The following PRR20G variants were observed in gnomAD, a reference collection of about 807,000 sequenced individuals.
PRR20G encodes proline rich 20G, also known as proline-rich protein 20G.
At chr3:127,285,145 T>C (rs576130804) in intron 2 of PRR20G, among the ~76,000 whole-genome samples, 11 of 152,272 alleles carry the variant, frequency 7.2e-5, no homozygotes, top group African/African-American at 2.6e-4. Flanking sequence ...CATAAATTAG[T>C]ATAATAACAT....
chr3:127,285,233 C>T (rs1055263619), intron 2 of PRR20G, among the ~76,000 whole-genome samples: 1 of 152,128 alleles, frequency 6.6e-6, no homozygotes, highest in Admixed American at 6.5e-5. Context: ...AAGTAAGCAT[C>T]TTAACATGTA....
chr3:127,286,439 C>T (rs2080387922), intron 2 of PRR20G, among the ~76,000 whole-genome samples: 1 of 152,158 alleles, frequency 6.6e-6, no homozygotes, highest in African/African-American at 2.4e-5. Flanking sequence ...TGTAATGTGC[C>T]TATCAAACTA....
intron 2 of PRR20G, among the ~76,000 whole-genome samples, chr3:127,286,572 G>T (rs1026407908): frequency 1.3e-5 from 2 of 152,146 alleles, no homozygotes; most frequent in Non-Finnish European, 2.9e-5. Flanking sequence ...CTTATCATAC[G>T]TAGATCGAGA....
chr3:127,285,553 A>G (rs2080382990), intron 2 of PRR20G, among the ~76,000 whole-genome samples: 1 of 152,214 alleles, frequency 6.6e-6, no homozygotes, highest in African/African-American at 2.4e-5. Context: ...ATGACAGAGT[A>G]GGCATTGAAG....
intron 2 of PRR20G, among the ~76,000 whole-genome samples, chr3:127,286,389 A>G (rs537032445): frequency 6.6e-6 from 1 of 151,372 alleles, no homozygotes; most frequent in Admixed American, 6.6e-5. Flanking sequence ...TTTGCAGACA[A>G]GCAAGATCTT....
chr3:127,287,474 C>G (rs2080393119), intron 1 of PRR20G, among the ~76,000 whole-genome samples, 102 bp from the exon 2 acceptor site: 1 of 152,280 alleles, frequency 6.6e-6, no homozygotes, highest in African/African-American at 2.4e-5. Context: ...CTCACCCCCT[C>G]CTACAGGGCC....
At chr3:127,286,589 G>A (rs527640675) in intron 2 of PRR20G, among the ~76,000 whole-genome samples, 16 of 152,200 alleles carry the variant, frequency 1.1e-4, no homozygotes, top group Non-Finnish European at 1.9e-4. Flanking sequence ...GAGACATAGT[G>A]TAAGGACTCA....
chr3:127,286,754 T>A (rs1482585228), intron 2 of PRR20G, among the ~76,000 whole-genome samples: 1 of 152,184 alleles, frequency 6.6e-6, no homozygotes, highest in Non-Finnish European at 1.5e-5. Flanking sequence ...CCAGTCCCGG[T>A]TGGAGCAGGC....
At chr3:127,286,312 G>T (rs529952084) in intron 2 of PRR20G, among the ~76,000 whole-genome samples, 23 of 152,294 alleles carry the variant, frequency 1.5e-4, no homozygotes, top group African/African-American at 5.5e-4. Flanking sequence ...AATTTCGAGG[G>T]AAATGGATTT....
chr3:127,287,918 C>T lies in PRR20G; in HGVS notation c.-47G>A, dbSNP rs2080394998. On this transcript the variant is annotated 5_prime_UTR_variant, in exon 1 of 3. Coordinates refer to ENST00000465482, the MANE Select transcript of PRR20G (RefSeq NM_001362810.2). The stretch of plus-strand genomic sequence containing the variant: ...GCTGGCTCTCTTCTATGGGGAGAGG[C>T]CTGAGGAGCTGGAGGTGTCCACGGG... Among the ~76,000 whole-genome samples the T allele has an allele frequency of 6.6e-6, 1 of 151,204 alleles. No individual in the cohort carries two copies. Among genetic ancestry groups the T allele is most frequent in the Non-Finnish European group, 1.5e-5 (1 of 67,842 alleles).
intron 2 of PRR20G, among the ~76,000 whole-genome samples, chr3:127,286,764 CTA>C (rs1200416077): frequency 6.6e-6 from 1 of 152,138 alleles, no homozygotes; most frequent in African/African-American, 2.4e-5. Context: ...TTGGAGCAGG[CTA>C]TGAGAAAGTG....
rs1053756211 is a variant in PRR20G, at chr3:127,288,012, G to A, written c.-141C>T. Among the ~76,000 whole-genome samples, 4 of 152,180 alleles carry A rather than the reference G, an allele frequency of 2.6e-5. No homozygotes were observed. The highest frequency in any genetic ancestry group is 4.4e-5 in the Non-Finnish European group (3 of 68,038). On this transcript the variant is annotated 5_prime_UTR_variant, in exon 1 of 3. Coordinates refer to ENST00000465482, the MANE Select transcript of PRR20G (RefSeq NM_001362810.2). The stretch of plus-strand genomic sequence containing the variant: ...CCAGGCAGGTAGGAGGGAGCACCCA[G>A]CAGTCCTAGTTCGGAGCCCGGCAGA...
chr3:127,285,113 T>C (rs138145069), intron 2 of PRR20G, among the ~76,000 whole-genome samples: 1 of 152,320 alleles, frequency 6.6e-6, no homozygotes, highest in African/African-American at 2.4e-5. Context: ...GCTTCACTTA[T>C]CTGGGCATCA....
At chr3:127,285,129 C>T (rs9826609) in intron 2 of PRR20G, among the ~76,000 whole-genome samples, 106,656 of 152,090 alleles carry the variant, frequency 0.7, 37,704 homozygotes, top group African/African-American at 0.79. Flanking sequence ...CATCAGTGGC[C>T]CTTTTCATAA....
intron 2 of PRR20G, among the ~76,000 whole-genome samples, chr3:127,285,256 T>C (rs2080381614): frequency 6.6e-6 from 1 of 152,178 alleles, no homozygotes; most frequent in Admixed American, 6.5e-5. Context: ...GGGAAGGAGA[T>C]GATCAGAAAG....
chr3:127,286,817 T>C (rs564679903), intron 2 of PRR20G, among the ~76,000 whole-genome samples: 1 of 152,042 alleles, frequency 6.6e-6, no homozygotes, highest in Non-Finnish European at 1.5e-5. Flanking sequence ...TTTAAGTAAT[T>C]GGGGAAGAAT....
chr3:127,285,130 C>T (rs2080381123), intron 2 of PRR20G, among the ~76,000 whole-genome samples: 1 of 152,184 alleles, frequency 6.6e-6, no homozygotes, highest in Non-Finnish European at 1.5e-5. Flanking sequence ...ATCAGTGGCC[C>T]TTTTCATAAA....
intron 2 of PRR20G, among the ~76,000 whole-genome samples, chr3:127,286,128 C>T (rs967640809): frequency 2.6e-5 from 4 of 152,060 alleles, no homozygotes; most frequent in African/African-American, 9.7e-5. Flanking sequence ...TGAGACACAT[C>T]CCCATAAAAT....
intron 2 of PRR20G, among the ~76,000 whole-genome samples, 28 bp downstream of exon 2, chr3:127,287,286 A>T (rs772077302): frequency 5.9e-5 from 9 of 152,222 alleles, no homozygotes; most frequent in Admixed American, 3.9e-4. Flanking sequence ...GGAAAAAATT[A>T]AAAAGAGTGG....
Sources: gnomAD v4.1 joint callset for allele counts (sites outside exome capture counted in the v4.1 genomes callset) on GRCh38, gnomAD v4.1.1 for gene constraint, MANE v1.5 for transcripts, NCBI Gene and HGNC (gene_info 2026-07-23, HGNC 2026-07-21) for gene names.